RNF4: variants seen among roughly 807,000 people sequenced by gnomAD.
RNF4 encodes E3 ubiquitin-protein ligase RNF4.
In RNF4, 7 loss-of-function variants were observed where a neutral mutation model predicts 24.3. The ratio of observed to expected loss-of-function variants is 0.29; its 90% CI spans 0.16 to 0.54. The LOEUF (loss-of-function observed/expected upper bound fraction) is 0.54, where lower values mean the gene tolerates loss of function less well. Among genes scored for constraint, RNF4 ranks in the 20% least tolerant of loss-of-function variants. The pLI is 0.95. For missense variants in RNF4, 209 were observed against 248.5 expected (o/e 0.84, Z 1.07); for synonymous variants, 83 against 84.3 (o/e 0.98, Z 0.09).
intron 4 of RNF4, among the ~76,000 whole-genome samples, chr4:2,507,224 G>A (rs1736130493): frequency 6.6e-6 from 1 of 152,206 alleles, no homozygotes; most frequent in South Asian, 2.1e-4. Flanking sequence ...GGGAGGGAAG[G>A]AGGGAGGGAC....
chr4:2,482,710 A>T (rs1338354670), intron 1 of RNF4, among the ~76,000 whole-genome samples: 1 of 152,208 alleles, frequency 6.6e-6, no homozygotes, highest in East Asian at 1.9e-4. Context: ...GCATCTGAAC[A>T]AGCCTCATTG....
At chr4:2,483,113 T>C (rs934780526) in intron 1 of RNF4, among the ~76,000 whole-genome samples, 2 of 152,242 alleles carry the variant, frequency 1.3e-5, no homozygotes, top group Admixed American at 1.3e-4. Context: ...GTTGATCATC[T>C]TTCCAGCTAG....
chr4:2,500,051 G>A (rs1037751112), intron 3 of RNF4, among the ~76,000 whole-genome samples: 6 of 151,810 alleles, frequency 4.0e-5, no homozygotes, highest in Non-Finnish European at 5.9e-5. Flanking sequence ...CCAACTACTC[G>A]GGAGGCTGAG....
intron 1 of RNF4, among the ~76,000 whole-genome samples, chr4:2,476,032 AGAG>A (rs1455744044): frequency 6.6e-6 from 1 of 152,226 alleles, no homozygotes; most frequent in Admixed American, 6.6e-5. Context: ...CTTTCACCGC[AGAG>A]GAGTCTGATA....
chr4:2,513,401 C>G (rs1463839861), intron 7 of RNF4, among the ~76,000 whole-genome samples: 1 of 152,206 alleles, frequency 6.6e-6, no homozygotes, highest in Non-Finnish European at 1.5e-5. Context: ...CATCCTGGCT[C>G]TAACTGAAAG....
intron 1 of RNF4, among the ~76,000 whole-genome samples, chr4:2,472,282 GC>G (rs1305754720): frequency 1.3e-5 from 2 of 152,136 alleles, no homozygotes; most frequent in Admixed American, 6.5e-5. Flanking sequence ...AATATTTTAA[GC>G]CCACTATTGA....
chr4:2,490,382 A>T lies in RNF4; in HGVS notation c.-112A>T. ...CTGTCCGGATCCAAATTATTTTGCAAGCCAGATGAGTAACCAGAGGGCATG... is the reference window on the plus strand; with the variant it reads ...CTGTCCGGATCCAAATTATTTTGCATGCCAGATGAGTAACCAGAGGGCATG... On this transcript the variant is annotated 5_prime_UTR_variant, in exon 2 of 8. It adds an upstream start codon to the 5' untranslated region. Transcript: ENST00000314289. The T allele has an allele frequency of 9.7e-7, 1 of 1,034,318 alleles. No homozygotes were observed. Among genetic ancestry groups the T allele is most frequent in the East Asian group, 2.5e-5 (1 of 40,264 alleles). 64.1% of individuals were successfully genotyped at this position (1,034,318 alleles called of 1,614,324 possible).
chr4:2,511,041 A>G (rs1005369332), intron 4 of RNF4, among the ~76,000 whole-genome samples: 5 of 152,244 alleles, frequency 3.3e-5, no homozygotes, highest in African/African-American at 9.6e-5. Flanking sequence ...CCTCCTCCAC[A>G]TGAAGGCTCC....
intron 1 of RNF4, among the ~76,000 whole-genome samples, chr4:2,486,741 G>T (rs1263323631): frequency 2.6e-5 from 4 of 152,176 alleles, no homozygotes; most frequent in Non-Finnish European, 4.4e-5. Flanking sequence ...GAAGTGGGAG[G>T]AGAGAGGCTT....
chr4:2,513,593 T>C, intron 7 of RNF4, 77 bp from the exon 8 acceptor site: 1 of 1,560,136 alleles, frequency 6.4e-7, no homozygotes, highest in Non-Finnish European at 8.8e-7. Flanking sequence ...TAGGCATAGG[T>C]GGGTGGGATT....
intron 1 of RNF4, among the ~76,000 whole-genome samples, chr4:2,481,712 T>G (rs1735248608): frequency 6.6e-6 from 1 of 152,050 alleles, no homozygotes; most frequent in Non-Finnish European, 1.5e-5. Context: ...CATGTGTGTT[T>G]TTGTGTTTTT....
At chr4:2,470,025 C>T (rs1734852576) in intron 1 of RNF4, 1 of 152,274 alleles carries the variant, frequency 6.6e-6, no homozygotes, top group African/African-American at 2.4e-5. Flanking sequence ...AAGGATAGAG[C>T]TTGGGCAAGC....
At chr4:2,500,986 C>G (rs1371233731) in intron 4 of RNF4, among the ~76,000 whole-genome samples, 3 of 152,188 alleles carry the variant, frequency 2.0e-5, no homozygotes, top group African/African-American at 7.2e-5. Context: ...TTTGTTATAG[C>G]CTTGTCGCCT....
At chr4:2,508,636 A>G (rs1736175079) in intron 4 of RNF4, among the ~76,000 whole-genome samples, 1 of 151,840 alleles carries the variant, frequency 6.6e-6, no homozygotes, top group Admixed American at 6.6e-5. Context: ...TTGAGACGGA[A>G]TTTCACTCTT....
At position 2,484,893 on chromosome 4, in the gene RNF4, C is replaced by T. The variant is rs1735359895; in HGVS notation, c.-157-5444C>T. 2.6e-5 allele frequency among the ~76,000 whole-genome samples: 4 copies of T among 152,148 alleles called. No individual in the cohort carries two copies. The South Asian group carries it at 8.3e-4, about 32-fold the overall frequency. On this transcript the variant is annotated intron_variant, in intron 1 of 7. Transcript: ENST00000314289. ...GTCTCCCATCTGTTCTCACCAGACACAGGTGACATGGTCTCTAAATGCAGA... is the reference window on the plus strand; with the variant it reads ...GTCTCCCATCTGTTCTCACCAGACATAGGTGACATGGTCTCTAAATGCAGA...
intron 1 of RNF4, chr4:2,479,708 G>A (rs1026167177): frequency 2.0e-5 from 3 of 152,204 alleles, no homozygotes; most frequent in Admixed American, 6.5e-5. Flanking sequence ...AAGTATGTCT[G>A]TCTCAGCAGC....
intron 1 of RNF4, among the ~76,000 whole-genome samples, chr4:2,476,734 G>T (rs1735089048): frequency 6.7e-6 from 1 of 148,762 alleles, no homozygotes; most frequent in African/African-American, 2.5e-5. Context: ...TTAAGAGAAG[G>T]TTGTCTTCCT....
chr4:2,489,247 C>G (rs183264098), intron 1 of RNF4, among the ~76,000 whole-genome samples: 199 of 152,240 alleles, frequency 1.3e-3, no homozygotes, highest in African/African-American at 4.7e-3. Context: ...GCAAATGTTT[C>G]GGAAAGATGG....
intron 4 of RNF4, 21 bp downstream of exon 4, chr4:2,500,759 G>A (rs1243895866): frequency 1.2e-6 from 2 of 1,612,234 alleles, no homozygotes; most frequent in Non-Finnish European, 8.5e-7. Flanking sequence ...GAGTGTGAGA[G>A]TCGGCTGTTT....
Sources: allele counts gnomAD v4.1 joint callset (sites outside exome capture counted in the v4.1 genomes callset), GRCh38; gene constraint gnomAD v4.1.1; transcripts MANE v1.5; gene names NCBI Gene and HGNC (gene_info 2026-07-23, HGNC 2026-07-21).